The following DET1 variants were observed in gnomAD, a reference collection of about 807,000 sequenced individuals.
DET1 encodes DET1 partner of COP1 E3 ubiquitin ligase, also known as DET1 homolog.
Under a neutral mutation model 43.7 loss-of-function variants are expected in DET1, and 22 were observed. That is an observed-to-expected ratio of 0.50 (90% CI 0.36 to 0.72). DET1 has a LOEUF of 0.72. Ranked by LOEUF, DET1 falls within the 30% of genes least tolerant of loss-of-function variation. The pLI, the probability that DET1 is intolerant of heterozygous loss-of-function variation, is 0.00. For synonymous variants in DET1, 315 were observed against 266.2 expected (o/e 1.18, Z -1.79); for missense variants, 713 against 713.3 (o/e 1.00, Z 0.00).
chr15:88,544,879 C>T (rs1172178067), intron 1 of DET1, among the ~76,000 whole-genome samples: 2 of 152,102 alleles, frequency 1.3e-5, no homozygotes, highest in African/African-American at 4.8e-5. Flanking sequence ...CCAGCCTGTA[C>T]CCACGAAGAG....
At chr15:88,544,732 G>A (rs1255165509) in intron 1 of DET1, among the ~76,000 whole-genome samples, 2 of 152,136 alleles carry the variant, frequency 1.3e-5, no homozygotes, top group Non-Finnish European at 2.9e-5. Context: ...ACTAAAAACA[G>A]GGGTCCCCAG....
downstream of DET1, among the ~76,000 whole-genome samples, chr15:88,510,974 G>A (rs563278259): frequency 9.9e-5 from 15 of 152,038 alleles, no homozygotes; most frequent in South Asian, 2.3e-3. Context: ...GGGTTTCACC[G>A]TGTTAGCCAG....
At chr15:88,513,738 T>G (rs2056261960) in intron 4 of DET1, among the ~76,000 whole-genome samples, 1 of 150,868 alleles carries the variant, frequency 6.6e-6, no homozygotes, top group Admixed American at 6.6e-5. Context: ...GTCTACCATA[T>G]TGGACAGTGT....
chr15:88,517,331 T>C (rs2056373211), intron 3 of DET1, among the ~76,000 whole-genome samples: 1 of 151,716 alleles, frequency 6.6e-6, no homozygotes. Flanking sequence ...GCTCAAGTGT[T>C]CCTCCCACCT....
intron 2 of DET1, among the ~76,000 whole-genome samples, chr15:88,528,765 A>T (rs2056735185): frequency 6.6e-6 from 1 of 152,186 alleles, no homozygotes; most frequent in Non-Finnish European, 1.5e-5. Context: ...TTGAGTTTAA[A>T]TCTCCATTAC....
intron 1 of DET1, among the ~76,000 whole-genome samples, chr15:88,543,463 C>A (rs534701304): frequency 6.6e-6 from 1 of 152,186 alleles, no homozygotes; most frequent in Non-Finnish European, 1.5e-5. Flanking sequence ...GTGTTTAAAT[C>A]CAGCTACTAT....
At chr15:88,524,356 C>A (rs925387095) in intron 3 of DET1, among the ~76,000 whole-genome samples, 6 of 151,844 alleles carry the variant, frequency 4.0e-5, no homozygotes, top group Admixed American at 2.6e-4. Context: ...GCAGCCCCTG[C>A]CTGGCCACCG....
intron 1 of DET1, among the ~76,000 whole-genome samples, chr15:88,543,505 G>A (rs1468197193): frequency 1.3e-5 from 2 of 152,190 alleles, no homozygotes; most frequent in East Asian, 1.9e-4. Context: ...AGAAACTACC[G>A]AAACTGGCCG....
In DET1 at chr15:88,513,063, A is replaced by AACAAGG. The variant is rs1209853576; in HGVS notation, c.1540_1541insCCTTGT (p.Val514delinsAlaLeuLeu). ...AAAGGTGAAGGCAACAAGGCGTCGC[A>AACAAGG]CTGTGTGGTTGATGGGGCGGCCCAA... On this transcript the variant is annotated protein_altering_variant, in exon 5 of 5. Transcript: ENST00000268148. The AACAAGG allele has an allele frequency of 1.9e-6, 3 of 1,614,080 alleles. No individual in the cohort carries two copies. The highest frequency in any genetic ancestry group is 2.5e-6 in the Non-Finnish European group (3 of 1,179,902).
chr15:88,512,786 A>T lies in DET1; in HGVS notation c.*165T>A. The T allele has an allele frequency of 2.2e-6, 3 of 1,394,108 alleles. No individual in the cohort carries two copies. The highest frequency in any genetic ancestry group is 5.0e-4 in the Middle Eastern group (2 of 3,986). The allele number at this position is 1,394,108 out of a possible 1,614,324, so 86.4% of individuals were successfully genotyped here. On this transcript the variant is annotated 3_prime_UTR_variant, in exon 5 of 5. Transcript: ENST00000268148. ...GTATTGTATACAATTTAAAAATTCC[A>T]TTAGGTTGAGCCACCCTCACTCCTC... is the stretch of plus-strand genomic sequence containing the variant.
At chr15:88,523,290 T>C (rs1268778513) in intron 3 of DET1, among the ~76,000 whole-genome samples, 2 of 152,226 alleles carry the variant, frequency 1.3e-5, no homozygotes, top group Non-Finnish European at 2.9e-5. Flanking sequence ...CTTGAACATT[T>C]ATTTTGACCT....
intron 3 of DET1, among the ~76,000 whole-genome samples, chr15:88,517,211 GTTTGGGT>G (rs1463413018): frequency 4.1e-5 from 6 of 147,428 alleles, no homozygotes; most frequent in African/African-American, 1.5e-4. Context: ...TTAGAAATGT[GTTTGGGT>G]TTTGGGTTTT....
In DET1 at chr15:88,512,746, T is replaced by C; in HGVS notation, c.*205A>G. On this transcript the variant is annotated 3_prime_UTR_variant, in exon 5 of 5. Transcript: ENST00000268148. ...ACAGGGAAAACGCAAGAGGATATTA[T>C]AACAATCAGTAGCAGTATTGTATAC... The C allele has an allele frequency of 1.1e-5, 14 of 1,300,080 alleles. No homozygotes were observed. Among genetic ancestry groups the C allele is most frequent in the Non-Finnish European group, 1.4e-5 (14 of 1,026,844 alleles). The allele number at this position is 1,300,080 out of a possible 1,614,324, so 80.5% of individuals were successfully genotyped here. A position where few individuals can be genotyped will look rare whatever the true frequency, so the allele number is the denominator to read the frequency against.
Position 88,522,520 on chromosome 15 carries a change from T to A in DET1, c.1271+5079A>T, listed in dbSNP as rs932160011. Among the ~76,000 whole-genome samples, 509 of 140,158 alleles carry A rather than the reference T, an allele frequency of 3.6e-3. 19 individuals are homozygous for A. The highest frequency in any genetic ancestry group is 0.013 in the African/African-American group (495 of 37,028). The allele number at this position is 140,158 out of a possible 152,430, so 91.9% of individuals were successfully genotyped here. On this transcript the variant is annotated intron_variant, in intron 3 of 4. Coordinates refer to ENST00000268148, the MANE Select transcript of DET1 (RefSeq NM_001144074.3). Reference sequence around the variant, plus strand: ...TTCTAGGAATGTTCCTGGTTTTTTTTTTTTTTTGAGTTGGAGTCTCGTTCT... The same window carrying A: ...TTCTAGGAATGTTCCTGGTTTTTTTATTTTTTTGAGTTGGAGTCTCGTTCT...
chr15:88,536,466 A>G (rs958103681), intron 1 of DET1: 4 of 625,272 alleles, frequency 6.4e-6, no homozygotes, highest in African/African-American at 5.6e-5. Context: ...AAGAATAAGA[A>G]TACACTAAAC....
chr15:88,543,070 G>C (rs1252446289), intron 1 of DET1, among the ~76,000 whole-genome samples: 1 of 152,206 alleles, frequency 6.6e-6, no homozygotes, highest in Non-Finnish European at 1.5e-5. Flanking sequence ...CGAAGAACAG[G>C]CTTTTCAAAA....
intron 7 of DET1, among the ~76,000 whole-genome samples, chr15:88,507,244 T>C (rs997816986): frequency 2.6e-5 from 4 of 152,168 alleles, no homozygotes; most frequent in Non-Finnish European, 5.9e-5. Flanking sequence ...ACCTGACTCC[T>C]TTCTTGAGCT....
chr15:88,509,769 G>T (rs537637255), downstream of DET1, among the ~76,000 whole-genome samples: 45 of 152,330 alleles, frequency 3.0e-4, no homozygotes, highest in African/African-American at 1.0e-3. Context: ...CATTTCCCAA[G>T]CTCCCTTGCT....
At chr15:88,509,591 G>A (rs528368228), downstream of DET1, among the ~76,000 whole-genome samples, 55 of 152,336 alleles carry the variant, frequency 3.6e-4, no homozygotes, top group African/African-American at 1.2e-3. Flanking sequence ...AGTGATTATC[G>A]TGTTAGATCA....
Sources: gnomAD v4.1 joint callset for allele counts (sites outside exome capture counted in the v4.1 genomes callset) on GRCh38, gnomAD v4.1.1 for gene constraint, MANE v1.5 for transcripts, NCBI Gene and HGNC (gene_info 2026-07-23, HGNC 2026-07-21) for gene names.